Variants in NRG1 observed in about 807,000 individuals in gnomAD.
The protein encoded by NRG1 is neuregulin 1.
NRG1 carries 18 observed loss-of-function variants against 63.8 expected under a neutral mutation model. That is an observed-to-expected ratio of 0.28 (90% confidence interval 0.19 to 0.42). The LOEUF (loss-of-function observed/expected upper bound fraction) is 0.42. Among genes scored for constraint, NRG1 ranks in the 10% least tolerant of loss-of-function variants. NRG1 has a pLI of 1.00. For synonymous variants in NRG1, 302 were observed against 301.3 expected (o/e 1.00, Z -0.02); for missense variants, 762 against 814.7 (o/e 0.94, Z 0.79).
Position 31,640,057 on chromosome 8 carries a change from C to A in NRG1, c.37+626C>A. 1 of 1,138,986 alleles carries A rather than the reference C, an allele frequency of 8.8e-7. No individual in the cohort carries two copies. Among genetic ancestry groups the A allele is most frequent in the South Asian group, 4.2e-5 (1 of 23,552 alleles). The allele number at this position is 1,138,986 out of a possible 1,614,324, so 70.6% of individuals were successfully genotyped here. A position where few individuals can be genotyped will look rare whatever the true frequency, so the allele number is the denominator to read the frequency against. On this transcript the variant is annotated intron_variant, in intron 1 of 10. Coordinates refer to the NRG1 transcript ENST00000519301. This position sits in a 1 kb window ranked among gnomAD's most constrained non-coding sequence, Gnocchi z 6.3. ...GGCCCAGCGCCCCGGCTCCGCCGCC[C>A]GCTCGTCGCCGCCGCTGCCGCTGCT...
At chr8:32,410,318 C>A (rs1314970514) in intron 1 of NRG1, among the ~76,000 whole-genome samples, 1 of 151,150 alleles carries the variant, frequency 6.6e-6, no homozygotes, top group Non-Finnish European at 1.5e-5. Context: ...GTAGCTGGGA[C>A]TACAGGTACA....
chr8:32,147,354 T>A (rs1017033151), intron 1 of NRG1, among the ~76,000 whole-genome samples: 12 of 152,316 alleles, frequency 7.9e-5, no homozygotes, highest in African/African-American at 2.9e-4. Flanking sequence ...TTGGAAACAA[T>A]CTAAATAAAT....
intron 1 of NRG1, among the ~76,000 whole-genome samples, chr8:32,455,259 G>T (rs1426910457): frequency 6.6e-6 from 1 of 152,136 alleles, no homozygotes; most frequent in African/African-American, 2.4e-5. Context: ...GTTTTCTGCG[G>T]GAATGAAATG....
intron 1 of NRG1, among the ~76,000 whole-genome samples, chr8:32,335,881 CG>C (rs1803199176): frequency 6.6e-6 from 1 of 152,210 alleles, no homozygotes; most frequent in Admixed American, 6.5e-5. Flanking sequence ...CTCTGAGCAT[CG>C]GATCTAGAAA....
intron 1 of NRG1, among the ~76,000 whole-genome samples, chr8:32,319,841 A>G (rs62497584): frequency 0.019 from 2,864 of 152,220 alleles, 29 homozygotes; most frequent in Middle Eastern, 0.034. Context: ...ATATATTTGG[A>G]CTTGAGGTTT....
At chr8:32,018,815 C>T (rs1373064798) in intron 1 of NRG1, among the ~76,000 whole-genome samples, 1 of 152,192 alleles carries the variant, frequency 6.6e-6, no homozygotes, top group Non-Finnish European at 1.5e-5. Context: ...ATTGATACTG[C>T]CAGACTCTTG....
chr8:32,663,731 C>G (rs1244964898), intron 5 of NRG1, among the ~76,000 whole-genome samples: 1 of 152,136 alleles, frequency 6.6e-6, no homozygotes, highest in Non-Finnish European at 1.5e-5. Context: ...CTTCATTTTT[C>G]TCATATTCTA....
intron 1 of NRG1, among the ~76,000 whole-genome samples, chr8:31,704,389 G>C (rs1810917054): frequency 6.6e-6 from 1 of 152,092 alleles, no homozygotes; most frequent in Non-Finnish European, 1.5e-5. Context: ...AGACAGTTAA[G>C]GTATTAAGGA....
At chr8:32,198,082 A>T (rs563224233) in intron 1 of NRG1, among the ~76,000 whole-genome samples, 4 of 152,376 alleles carry the variant, frequency 2.6e-5, no homozygotes, top group African/African-American at 7.2e-5. Flanking sequence ...CTAGTTGAAC[A>T]ACAACAATGC....
intron 1 of NRG1, among the ~76,000 whole-genome samples, chr8:31,790,178 A>C (rs1402520660): frequency 6.6e-6 from 1 of 152,240 alleles, no homozygotes; most frequent in African/African-American, 2.4e-5. Flanking sequence ...CAAATAAGAA[A>C]GGATGGGTAA....
At chr8:32,313,596 C>T (rs1857059529) in intron 1 of NRG1, among the ~76,000 whole-genome samples, 1 of 152,196 alleles carries the variant, frequency 6.6e-6, no homozygotes, top group African/African-American at 2.4e-5. Flanking sequence ...TGCTAGGTCC[C>T]AGGGACCACT....
intron 1 of NRG1, among the ~76,000 whole-genome samples, chr8:32,455,200 C>T (rs1020519660): frequency 2.0e-5 from 3 of 152,154 alleles, no homozygotes; most frequent in African/African-American, 7.2e-5. Flanking sequence ...TTAGCCTACC[C>T]ATATAGCATC....
intron 1 of NRG1, among the ~76,000 whole-genome samples, chr8:31,920,243 C>A (rs1375797855): frequency 6.6e-6 from 1 of 151,982 alleles, no homozygotes; most frequent in Non-Finnish European, 1.5e-5. Flanking sequence ...CTGTTAGTTG[C>A]ACTGTACATA....
At chr8:31,774,401 C>T (rs1183954491) in intron 1 of NRG1, among the ~76,000 whole-genome samples, 1 of 152,078 alleles carries the variant, frequency 6.6e-6, no homozygotes, top group African/African-American at 2.4e-5. Context: ...GCCTTCCTGT[C>T]TAGAGTGTAA....
intron 1 of NRG1, among the ~76,000 whole-genome samples, chr8:32,068,434 G>T (rs1001745854): frequency 7.9e-5 from 12 of 152,324 alleles, no homozygotes; most frequent in African/African-American, 2.9e-4. Flanking sequence ...AGGATGAGAT[G>T]CCAGAAGATG....
intron 1 of NRG1, among the ~76,000 whole-genome samples, chr8:31,916,218 TTTA>T (rs895667633): frequency 6.6e-6 from 1 of 152,176 alleles, no homozygotes; most frequent in East Asian, 1.9e-4. Flanking sequence ...TTTCTTTTTT[TTTA>T]TTATTATACT....
At chr8:32,282,613 A>G (rs1270884834) in intron 1 of NRG1, among the ~76,000 whole-genome samples, 1 of 152,198 alleles carries the variant, frequency 6.6e-6, no homozygotes, top group Non-Finnish European at 1.5e-5. Context: ...AAGCAGTGAG[A>G]GCAGCTTTCA....
chr8:32,494,283 C>T (rs1259424851), intron 1 of NRG1, among the ~76,000 whole-genome samples: 2 of 152,036 alleles, frequency 1.3e-5, no homozygotes, highest in African/African-American at 2.4e-5. Context: ...CCATAGTTGC[C>T]CCACCAGAGA....
At chr8:32,188,642 G>A (rs1842190802) in intron 1 of NRG1, among the ~76,000 whole-genome samples, 1 of 152,194 alleles carries the variant, frequency 6.6e-6, no homozygotes, top group Admixed American at 6.5e-5. Flanking sequence ...AGAGTAAGAT[G>A]TGACTAAGGA....
Sources: allele counts gnomAD v4.1 joint callset (sites outside exome capture counted in the v4.1 genomes callset), GRCh38; gene constraint gnomAD v4.1.1; non-coding constraint Gnocchi (gnomAD v3.1); transcripts MANE v1.5; gene names NCBI Gene and HGNC (gene_info 2026-07-23, HGNC 2026-07-21).